The following GPR37 variants were observed in gnomAD, a reference collection of about 807,000 sequenced individuals.
GPR37 encodes the protein prosaposin receptor GPR37.
In GPR37, 20 loss-of-function variants were observed where a neutral mutation model predicts 43.6. The observed-to-expected ratio is 0.46, with a 90% CI of 0.32 to 0.67. The LOEUF is 0.67. GPR37 is among the 30% of genes least tolerant of loss of function. The pLI, the probability that GPR37 is intolerant of heterozygous loss-of-function variation, is 0.03. For missense variants in GPR37, 724 were observed against 797.2 expected (o/e 0.91, Z 1.11); for synonymous variants, 315 against 322.6 (o/e 0.98, Z 0.25).
chr7:124,746,408 T>A lies in GPR37; in HGVS notation c.*117A>T. 1.3e-6 allele frequency: 1 copy of A among 769,170 alleles called. No homozygotes were observed. Among genetic ancestry groups the A allele is most frequent in the Non-Finnish European group, 2.1e-6 (1 of 473,700 alleles). The allele number at this position is 769,170 out of a possible 1,614,324, so 47.6% of individuals were successfully genotyped here. ...AAAATCAGTTCTACAGTAGTTAATATTTCTTTCTTTATTGTTTCTTTTTTG... is the reference window on the plus strand; with the variant it reads ...AAAATCAGTTCTACAGTAGTTAATAATTCTTTCTTTATTGTTTCTTTTTTG... On this transcript the variant is annotated 3_prime_UTR_variant, in exon 2 of 2. Transcript: ENST00000303921.
Position 124,764,127 on chromosome 7 carries a change from A to G in GPR37, c.850T>C (p.Cys284Arg), listed in dbSNP as rs1438580803. ...TGIIGNLAVM[C>R]IVCHNYYMRS... Reference sequence around the variant, plus strand: ...ATGTAGTAGTTGTGGCACACGATGCACATCACCGCCAGGTTGCCAATGATG... The same window carrying G: ...ATGTAGTAGTTGTGGCACACGATGCGCATCACCGCCAGGTTGCCAATGATG... The change falls in exon 1 of 2, where the codon TGC becomes CGC. Residue 284 changes from cysteine to arginine, a missense_variant. Physicochemically the swap from Cys to Arg is radical, Grantham distance 180. Coordinates refer to ENST00000303921, the MANE Select transcript of GPR37 (RefSeq NM_005302.5). This position sits in a 1 kb window ranked among gnomAD's most constrained non-coding sequence, Gnocchi z 5.4. The G allele has an allele frequency of 6.2e-7, 1 of 1,611,688 alleles. No homozygotes were observed. Among genetic ancestry groups the G allele is most frequent in the Non-Finnish European group, 8.5e-7 (1 of 1,178,612 alleles).
At chr7:124,753,412 C>T (rs1379816345) in intron 1 of GPR37, among the ~76,000 whole-genome samples, 2 of 151,986 alleles carry the variant, frequency 1.3e-5, no homozygotes, top group Non-Finnish European at 2.9e-5. Flanking sequence ...AATATTCAAG[C>T]GACATTCAGT....
chr7:124,746,831 G>T lies in GPR37; in HGVS notation c.1536C>A (p.Asn512Lys), dbSNP rs778319928. 6.2e-7 allele frequency: 1 copy of T among 1,614,062 alleles called. No homozygotes were observed. The highest frequency in any genetic ancestry group is 8.5e-7 in the Non-Finnish European group (1 of 1,179,948). Residue 512 changes from asparagine (N) to lysine (K), a missense_variant, in exon 2 of 2, where the codon AAC becomes AAA. Asn to Lys is a moderately conservative substitution (Grantham distance 94, BLOSUM62 0). This residue lies in a region of GPR37 where 342 missense variants were observed against 441.8 expected (regional missense o/e 0.77). Transcript: ENST00000303921. ...CTGTAGCCATGTAGGCAGTAACAATGTTGCAGATATTTTCAGGAATAATGC... is the reference window on the plus strand; with the variant it reads ...CTGTAGCCATGTAGGCAGTAACAATTTTGCAGATATTTTCAGGAATAATGC... ...GFCIIPENIC[N>K]IVTAYMATGV...
Position 124,747,317 on chromosome 7 carries a change from G to C in GPR37, c.1050C>G (p.Phe350Leu). Reference protein sequence around the residue: ...IEVASLGVTTFTLCALCIDRF... With the variant: ...IEVASLGVTTLTLCALCIDRF... ...GGTCTATGCACAGAGCACATAAGGTGAAAGTGGTGACTCCCAGAGAAGCGA... is the reference window on the plus strand; with the variant it reads ...GGTCTATGCACAGAGCACATAAGGTCAAAGTGGTGACTCCCAGAGAAGCGA... The change falls in exon 2 of 2, where the codon TTC becomes TTG. Residue 350 changes from phenylalanine (F) to leucine (L), a missense_variant. Coordinates refer to ENST00000303921, the MANE Select transcript of GPR37 (RefSeq NM_005302.5). The C allele has an allele frequency of 6.2e-7, 1 of 1,612,326 alleles. No individual in the cohort carries two copies. Among genetic ancestry groups the C allele is most frequent in the Non-Finnish European group, 8.5e-7 (1 of 1,178,962 alleles).
At chr7:124,754,083 CAGAA>C (rs1584724884) in intron 1 of GPR37, among the ~76,000 whole-genome samples, 1 of 151,916 alleles carries the variant, frequency 6.6e-6, no homozygotes, top group South Asian at 2.1e-4. Flanking sequence ...ATAATACAAA[CAGAA>C]AGAAACTTAT....
Position 124,746,590 on chromosome 7 carries a change from G to A in GPR37, c.1777C>T (p.Leu593Phe), listed in dbSNP as rs372241540. Residue 593 changes from leucine (L) to phenylalanine (F), a missense_variant, in exon 2 of 2, where the codon CTC (leucine) becomes TTC (phenylalanine). By Grantham distance (22) the Leu-to-Phe change is conservative (BLOSUM62 0). Around this residue, in one of 2 missense-constraint regions of GPR37, gnomAD observed 342 missense variants for 441.8 expected, o/e 0.77. Coordinates refer to ENST00000303921, the MANE Select transcript of GPR37 (RefSeq NM_005302.5). Reference protein sequence around the residue: ...NDNEYTTELELSPFSTIRREM... With the variant: ...NDNEYTTELEFSPFSTIRREM... The stretch of plus-strand genomic sequence containing the variant: ...CGGCGTATGGTACTGAAAGGCGAGA[G>A]TTCGAGTTCCGTGGTGTACTCGTTG... The A allele has an allele frequency of 1.1e-5, 17 of 1,613,772 alleles. No individual in the cohort carries two copies. Among genetic ancestry groups the A allele is most frequent in the Non-Finnish European group, 1.4e-5 (16 of 1,179,840 alleles).
intron 1 of GPR37, among the ~76,000 whole-genome samples, chr7:124,759,964 G>A (rs528160292): frequency 2.2e-4 from 33 of 152,174 alleles, no homozygotes; most frequent in Admixed American, 3.9e-4. Flanking sequence ...TTATGCTAAC[G>A]CTCAAGCTGT....
chr7:124,758,026 A>G (rs1793810379), intron 1 of GPR37, among the ~76,000 whole-genome samples: 1 of 152,188 alleles, frequency 6.6e-6, no homozygotes, highest in Admixed American at 6.5e-5. Flanking sequence ...GCCAGACAAT[A>G]TCTATAGAAG....
In GPR37 at chr7:124,765,199, G is replaced by A. The variant is rs112639292; in HGVS notation, c.-223C>T. 1.6e-4 allele frequency: 73 copies of A among 459,752 alleles called. 1 individual carries two copies. Among genetic ancestry groups the A allele is most frequent in the African/African-American group, 1.2e-3 (57 of 49,188 alleles). 28.5% of individuals were successfully genotyped at this position (459,752 alleles called of 1,614,324 possible). A position where few individuals can be genotyped will look rare whatever the true frequency, so the allele number is the denominator to read the frequency against. ...GGCATCTTGTGCATTTCTCAGCCAAGTTGAGTCCCAGCAAGGTATGCCCTC... is the reference window on the plus strand; with the variant it reads ...GGCATCTTGTGCATTTCTCAGCCAAATTGAGTCCCAGCAAGGTATGCCCTC... On this transcript the variant is annotated 5_prime_UTR_variant, in exon 1 of 2. Coordinates refer to ENST00000303921, the MANE Select transcript of GPR37 (RefSeq NM_005302.5).
Position 124,746,540 on chromosome 7 carries a change from G to A in GPR37, c.1827C>T (p.Val609=), listed in dbSNP as rs375487445. 528 of 1,603,910 alleles carry A rather than the reference G, an allele frequency of 3.3e-4. 13 individuals carry two copies. In the South Asian group the frequency reaches 5.3e-3, roughly 16 times the overall value. ...IRREMSTFAS[V]GTHC is the part of the protein sequence containing the mutation. Reference sequence around the variant, plus strand: ...GTACTGTCCTTCAGCAATGAGTTCCGACAGAAGCAAAAGTGGACATTTCAC... The same window carrying A: ...GTACTGTCCTTCAGCAATGAGTTCCAACAGAAGCAAAAGTGGACATTTCAC... The change falls in exon 2 of 2, where the codon GTC becomes GTT. Residue 609 remains valine, a synonymous_variant. Coordinates refer to ENST00000303921, the MANE Select transcript of GPR37 (RefSeq NM_005302.5).
At position 124,764,634 on chromosome 7, in the gene GPR37, T is replaced by C. The variant is rs1793893972; in HGVS notation, c.343A>G (p.Arg115Gly). 1 of 1,587,332 alleles carries C rather than the reference T, an allele frequency of 6.3e-7. No individual in the cohort carries two copies. Among genetic ancestry groups the C allele is most frequent in the Non-Finnish European group, 8.6e-7 (1 of 1,166,210 alleles). The stretch of plus-strand genomic sequence containing the variant: ...TTCCACCTCCAGGGGCCAGGTGGCC[T>C]GGTTGGAGGTCCCGGGGGTCCGGCT... ...SAAGPPGPPTRPPGPWRWKGA... is the reference protein window; with the variant it reads ...SAAGPPGPPTGPPGPWRWKGA... The change falls in exon 1 of 2, where the codon AGG becomes GGG. Residue 115 changes from arginine to glycine, a missense_variant. Physicochemically the swap from Arg to Gly is moderately radical, Grantham distance 125 (BLOSUM62 -2). Around this residue, in one of 2 missense-constraint regions of GPR37, gnomAD observed 382 missense variants for 355.4 expected, o/e 1.07. Transcript: ENST00000303921. The surrounding 1 kb of genome is among the most constrained non-coding windows in gnomAD (Gnocchi z 5.4).
intron 1 of GPR37, among the ~76,000 whole-genome samples, chr7:124,748,570 A>G (rs887701936): frequency 1.3e-5 from 2 of 152,188 alleles, no homozygotes; most frequent in African/African-American, 2.4e-5. Context: ...CATAAGAAGT[A>G]TATTTATCAT....
intron 1 of GPR37, among the ~76,000 whole-genome samples, chr7:124,757,050 T>C (rs145546181): frequency 9.1e-4 from 139 of 152,246 alleles, no homozygotes; most frequent in African/African-American, 3.2e-3. Flanking sequence ...TCAGAATAAA[T>C]CTTCACTCTG....
At chr7:124,747,633 T>G (rs759221732) in intron 1 of GPR37, among the ~76,000 whole-genome samples, 5 of 152,106 alleles carry the variant, frequency 3.3e-5, no homozygotes, top group Non-Finnish European at 7.4e-5. Flanking sequence ...AATCCCTTTT[T>G]ATTATAGATC....
chr7:124,761,269 T>C (rs1465189302), intron 1 of GPR37, among the ~76,000 whole-genome samples: 1 of 152,142 alleles, frequency 6.6e-6, no homozygotes, highest in Admixed American at 6.5e-5. Flanking sequence ...GCTGGGGCTA[T>C]TGGTTGACAG....
At position 124,749,765 on chromosome 7, in the gene GPR37, GA is replaced by G. The variant is rs199869195; in HGVS notation, c.1024-2423del. On this transcript the variant is annotated intron_variant, in intron 1 of 1. Transcript: ENST00000303921. ...TGTTAACTATATTAAAAGCAAAAAT[GA>G]AAAAAAAAATATGGCTAGCAAAGCT... Among the ~76,000 whole-genome samples the G allele has an allele frequency of 3.2e-4, 47 of 147,590 alleles. 1 individual carries two copies. In the East Asian group the frequency reaches 5.7e-3, roughly 18 times the overall value.
Position 124,746,842 on chromosome 7 carries a change from T to G in GPR37, c.1525A>C (p.Asn509His). ...TAGGCAGTAACAATGTTGCAGATAT[T>G]TTCAGGAATAATGCAAAATCCATAT... ...ILYGFCIIPENICNIVTAYMA... is the reference protein window; with the variant it reads ...ILYGFCIIPEHICNIVTAYMA... Residue 509 changes from asparagine to histidine, a missense_variant, in exon 2 of 2, where the codon AAT becomes CAT. Transcript: ENST00000303921. The G allele has an allele frequency of 6.2e-7, 1 of 1,614,056 alleles. No individual in the cohort carries two copies. Among genetic ancestry groups the G allele is most frequent in the South Asian group, 1.1e-5 (1 of 91,084 alleles).
At position 124,765,250 on chromosome 7, in the gene GPR37, C is replaced by A; in HGVS notation, c.-274G>T. The A allele has an allele frequency of 5.2e-6, 2 of 383,664 alleles. No homozygotes were observed. Among genetic ancestry groups the A allele is most frequent in the East Asian group, 7.8e-5 (2 of 25,678 alleles). 23.8% of individuals were successfully genotyped at this position (383,664 alleles called of 1,614,324 possible). A position where few individuals can be genotyped will look rare whatever the true frequency, so the allele number is the denominator to read the frequency against. ...CAAGGTTCCTAGAGGGAATAGGCTA[C>A]TCCCGGTGGCTGACCTTGAAAAGTT... On this transcript the variant is annotated 5_prime_UTR_variant, in exon 1 of 2. Transcript: ENST00000303921.
Position 124,763,943 on chromosome 7 carries a change from G to C in GPR37, c.1023+11C>G. On this transcript the variant is annotated intron_variant, in intron 1 of 1. Coordinates refer to ENST00000303921, the MANE Select transcript of GPR37 (RefSeq NM_005302.5). ...AAAGCCACTAGCTTGAGAGCCCCTG[G>C]AAGGCATTACCTCTATATAGGGCAC... is the stretch of plus-strand genomic sequence containing the variant. 4 of 1,611,990 alleles carry C rather than the reference G, an allele frequency of 2.5e-6. No individual in the cohort carries two copies. Among genetic ancestry groups the C allele is most frequent in the Non-Finnish European group, 3.4e-6 (4 of 1,178,986 alleles).
Sources: gnomAD v4.1 joint callset for allele counts (sites outside exome capture counted in the v4.1 genomes callset) on GRCh38, gnomAD v4.1.1 for gene constraint, gnomAD v4.1.1 regional missense constraint, Gnocchi (gnomAD v3.1) non-coding constraint, MANE v1.5 for transcripts, NCBI Gene and HGNC (gene_info 2026-07-23, HGNC 2026-07-21) for gene names.